Variants in MYO5C observed in about 807,000 individuals in gnomAD.
The protein encoded by MYO5C is myosin VC.
MYO5C carries 194 observed loss-of-function variants against 235.7 expected under a neutral mutation model. That is an observed-to-expected ratio of 0.82 (90% CI 0.73 to 0.93). MYO5C has a LOEUF of 0.93. Ranked by LOEUF, MYO5C falls within the 40% of genes least tolerant of loss-of-function variation. The probability of loss-of-function intolerance (pLI) is 0.00; values close to 1 mark genes in which losing one functional copy is unlikely to be tolerated. For synonymous variants in MYO5C, 707 were observed against 754.8 expected, an observed-to-expected ratio of 0.94 and a Z score of 1.04; for missense variants, 2,038 against 2,127.2, an observed-to-expected ratio of 0.96 and a Z score of 0.82.
chr15:52,239,970 G>A, intron 20 of MYO5C, 91 bp from the exon 21 acceptor site: 5 of 1,355,802 alleles, frequency 3.7e-6, no homozygotes, highest in South Asian at 1.4e-5. Flanking sequence ...CTACCACGGT[G>A]TAGAAAATGA....
intron 40 of MYO5C, 65 bp from the exon 41 acceptor site, chr15:52,194,119 A>C (rs2141251086): frequency 6.6e-7 from 1 of 1,521,700 alleles, no homozygotes; most frequent in South Asian, 1.3e-5. Flanking sequence ...CTGCTACCTG[A>C]AAGTCAAGGC....
intron 9 of MYO5C, among the ~76,000 whole-genome samples, chr15:52,262,453 G>T (rs2036718198): frequency 6.6e-6 from 1 of 152,166 alleles, no homozygotes; most frequent in South Asian, 2.1e-4. Context: ...GGGAAAAAAG[G>T]GCAGAAGCCC....
At chr15:52,287,330 C>A (rs1299198122) in intron 1 of MYO5C, among the ~76,000 whole-genome samples, 2 of 152,164 alleles carry the variant, frequency 1.3e-5, no homozygotes, top group Non-Finnish European at 2.9e-5. Flanking sequence ...GCACACACAC[C>A]CACACCCATC....
chr15:52,201,916 T>C (rs1311111136), intron 38 of MYO5C, among the ~76,000 whole-genome samples: 2 of 18,830 alleles, frequency 1.1e-4, no homozygotes, highest in Admixed American at 1.0e-3. Flanking sequence ...AAAGGGATAA[T>C]ACTAAAAAAA....
At chr15:52,266,808 A>C (rs2036822944) in intron 8 of MYO5C, among the ~76,000 whole-genome samples, 1 of 152,206 alleles carries the variant, frequency 6.6e-6, no homozygotes, top group South Asian at 2.1e-4. Context: ...ACCTCGTGCA[A>C]GGTGAAGGAA....
In MYO5C at chr15:52,279,489, C is replaced by T. The variant is rs745515696; in HGVS notation, c.304+20G>A. 20 of 1,598,874 alleles carry T rather than the reference C, an allele frequency of 1.3e-5. No homozygotes were observed. In the African/African-American group the frequency reaches 2.5e-4, roughly 20 times the overall value. ...TACATTCCAGTGCCATTCCTTACTT[C>T]CTAGAATTGCTCTCCTTACCACTGT... On this transcript the variant is annotated intron_variant, in intron 3 of 40. Coordinates refer to ENST00000261839, the MANE Select transcript of MYO5C (RefSeq NM_018728.4).
In MYO5C at chr15:52,270,557, G is replaced by A. The variant is rs141036542; in HGVS notation, c.833-697C>T. On this transcript the variant is annotated intron_variant, in intron 7 of 40. Coordinates refer to ENST00000261839, the MANE Select transcript of MYO5C (RefSeq NM_018728.4). The stretch of plus-strand genomic sequence containing the variant: ...TCTTATAAAACCATTAGCACAATCC[G>A]GATAATGACTCTCTCTCTCTCTACA... Among the ~76,000 whole-genome samples, 251 of 150,160 alleles carry A rather than the reference G, an allele frequency of 1.7e-3. No homozygotes were observed. In the Middle Eastern group the frequency reaches 0.048, roughly 29 times the overall value.
chr15:52,241,254 T>C (rs2036215164), intron 20 of MYO5C, among the ~76,000 whole-genome samples: 2 of 25,440 alleles, frequency 7.9e-5, no homozygotes, highest in Non-Finnish European at 3.7e-4. Flanking sequence ...GCTAATCTTT[T>C]TTTTTTTTTT....
chr15:52,291,598 A>G (rs2037387872), intron 1 of MYO5C, among the ~76,000 whole-genome samples: 1 of 151,870 alleles, frequency 6.6e-6, no homozygotes, highest in Admixed American at 6.6e-5. Context: ...AGGGACCAAA[A>G]CTAGCGGCCA....
At chr15:52,232,921 T>C (rs934152258) in intron 23 of MYO5C, among the ~76,000 whole-genome samples, 2 of 152,250 alleles carry the variant, frequency 1.3e-5, no homozygotes, top group African/African-American at 4.8e-5. Context: ...GTTTCATTTA[T>C]AGTACTTTTG....
At chr15:52,286,568 G>A (rs942905352) in intron 1 of MYO5C, among the ~76,000 whole-genome samples, 2 of 152,142 alleles carry the variant, frequency 1.3e-5, no homozygotes, top group African/African-American at 2.4e-5. Context: ...AGGTAGACAT[G>A]GGAGACTTTT....
intron 37 of MYO5C, 65 bp from the exon 38 acceptor site, chr15:52,205,212 C>T: frequency 1.3e-6 from 2 of 1,553,996 alleles, no homozygotes; most frequent in Non-Finnish European, 1.7e-6. Context: ...TCCCGACGCT[C>T]TTCGGTTTGT....
In MYO5C at chr15:52,225,421, G is replaced by A. The variant is rs1462976928; in HGVS notation, c.3301+18C>T. On this transcript the variant is annotated intron_variant, in intron 26 of 40. Coordinates refer to ENST00000261839, the MANE Select transcript of MYO5C (RefSeq NM_018728.4). The stretch of plus-strand genomic sequence containing the variant: ...TTCAGTCTGCACCCATGGACTAAGA[G>A]ACTCATATTTTTATTACCTCTCATT... The A allele has an allele frequency of 4.5e-6, 7 of 1,556,796 alleles. No individual in the cohort carries two copies. Among genetic ancestry groups the A allele is most frequent in the East Asian group, 2.2e-5 (1 of 44,660 alleles).
intron 7 of MYO5C, 82 bp downstream of exon 7, chr15:52,271,681 A>G: frequency 2.6e-6 from 2 of 768,810 alleles, no homozygotes; most frequent in Non-Finnish European, 3.9e-6. Flanking sequence ...TAAAACAAAT[A>G]TATTACTATA....
chr15:52,239,455 T>G (rs2036164580), intron 21 of MYO5C, among the ~76,000 whole-genome samples: 1 of 152,072 alleles, frequency 6.6e-6, no homozygotes, highest in Non-Finnish European at 1.5e-5. Context: ...GCAACACAAC[T>G]TCACACAGGA....
chr15:52,206,691 C>T (rs2035322769), intron 36 of MYO5C, among the ~76,000 whole-genome samples: 1 of 152,162 alleles, frequency 6.6e-6, no homozygotes, highest in Admixed American at 6.5e-5. Context: ...GCACCCTGAT[C>T]TCAGATGTTT....
intron 22 of MYO5C, among the ~76,000 whole-genome samples, chr15:52,236,242 G>A (rs912077958): frequency 2.0e-5 from 3 of 152,346 alleles, no homozygotes; most frequent in African/African-American, 7.2e-5. Flanking sequence ...AGCAGGCCCC[G>A]TGGTGCTGAC....
intron 23 of MYO5C, among the ~76,000 whole-genome samples, chr15:52,234,071 C>T (rs4371107): frequency 0.68 from 103,575 of 152,170 alleles, 38,871 homozygotes; most frequent in Non-Finnish European, 0.84. Context: ...TTTATATAAC[C>T]TCAATTTTCA....
intron 13 of MYO5C, among the ~76,000 whole-genome samples, chr15:52,249,856 A>G (rs1011443166): frequency 1.3e-5 from 2 of 152,212 alleles, no homozygotes; most frequent in African/African-American, 2.4e-5. Context: ...CTTGCATTCA[A>G]TACGACCTGA....
Sources: allele counts gnomAD v4.1 joint callset (sites outside exome capture counted in the v4.1 genomes callset), GRCh38; gene constraint gnomAD v4.1.1; transcripts MANE v1.5; gene names NCBI Gene and HGNC (gene_info 2026-07-23, HGNC 2026-07-21).